The following ADAM12 variants were observed in gnomAD, a reference collection of about 807,000 sequenced individuals.
ADAM12 encodes the protein ADAM metallopeptidase domain 12.
A neutral mutation model predicts 106.4 loss-of-function variants in ADAM12; 70 were observed. The ratio of observed to expected loss-of-function variants is 0.66; its 90% CI spans 0.54 to 0.80. The LOEUF (loss-of-function observed/expected upper bound fraction) is 0.80. Among genes scored for constraint, ADAM12 ranks in the 30% least tolerant of loss-of-function variants. The pLI is 0.00. For synonymous variants in ADAM12, 420 were observed against 433.5 expected (o/e 0.97, Z 0.39); for missense variants, 1,010 against 1,171.9 (o/e 0.86, Z 2.02).
chr10:126,130,372 C>T (rs2133661527), intron 5 of ADAM12, among the ~76,000 whole-genome samples: 1 of 152,210 alleles, frequency 6.6e-6, no homozygotes, highest in South Asian at 2.1e-4. Context: ...GCACAAAGAT[C>T]TGGGAAGTCA....
chr10:126,339,305 G>A (rs1854834907), intron 1 of ADAM12, among the ~76,000 whole-genome samples: 1 of 152,104 alleles, frequency 6.6e-6, no homozygotes, highest in African/African-American at 2.4e-5. Flanking sequence ...CAAATTCAAC[G>A]TGTTTAAAAA....
chr10:126,142,689 C>CA (rs34379430), intron 4 of ADAM12, among the ~76,000 whole-genome samples: 15,988 of 152,272 alleles, frequency 0.1, 938 homozygotes, highest in Admixed American at 0.13. Context: ...ACCTAAAATC[C>CA]ATACATGGGC....
At chr10:126,331,522 T>G (rs1489051302) in intron 1 of ADAM12, among the ~76,000 whole-genome samples, 3 of 152,226 alleles carry the variant, frequency 2.0e-5, no homozygotes, top group African/African-American at 7.2e-5. Flanking sequence ...TGTGGAAGTC[T>G]GCAGTTATAT....
intron 6 of ADAM12, among the ~76,000 whole-genome samples, chr10:126,114,030 A>T (rs1327895649): frequency 6.6e-6 from 1 of 152,098 alleles, no homozygotes; most frequent in Non-Finnish European, 1.5e-5. Context: ...TAGCTCAAGC[A>T]AGCAACGCTC....
rs141683561 is a variant in ADAM12 at position 126,014,097 on chromosome 10, G to A, written c.*3182C>T. 5.2e-5 allele frequency: 8 copies of A among 152,564 alleles called. No individual in the cohort carries two copies. The East Asian group carries it at 1.5e-3, about 29-fold the overall frequency. 9.5% of individuals were successfully genotyped at this position (152,564 alleles called of 1,614,324 possible). A position where few individuals can be genotyped will look rare whatever the true frequency, so the allele number is the denominator to read the frequency against. On this transcript the variant is annotated 3_prime_UTR_variant, in exon 23 of 23. Coordinates refer to ENST00000448723, the MANE Select transcript of ADAM12 (RefSeq NM_001288973.2). ...CATCTCACGAAGAAAGTCTGCAAGA[G>A]GTCGAGGTGCATGAGAAAGATCTGG...
At chr10:126,090,056 C>T (rs1262557241) in intron 11 of ADAM12, among the ~76,000 whole-genome samples, 1 of 152,104 alleles carries the variant, frequency 6.6e-6, no homozygotes, top group Non-Finnish European at 1.5e-5. Context: ...TCCCAAAGTG[C>T]TGAGATTACA....
intron 21 of ADAM12, among the ~76,000 whole-genome samples, chr10:126,026,210 C>A (rs1419960929): frequency 6.6e-6 from 1 of 152,130 alleles, no homozygotes; most frequent in Non-Finnish European, 1.5e-5. Context: ...TCTGACAAAA[C>A]AGACTTTAAA....
At chr10:126,098,270 A>C in intron 10 of ADAM12, 146 bp downstream of exon 10, 1 of 679,194 alleles carries the variant, frequency 1.5e-6, no homozygotes, top group Non-Finnish European at 2.5e-6. Flanking sequence ...GGGATATATA[A>C]AATTATAAAT....
intron 3 of ADAM12, among the ~76,000 whole-genome samples, chr10:126,166,597 T>C (rs7903499): frequency 0.19 from 29,422 of 152,020 alleles, 2,880 homozygotes; most frequent in African/African-American, 0.23. Context: ...CCTCCCGGTT[T>C]AAGTGATTCT....
chr10:126,187,652 T>C (rs1375645412), intron 3 of ADAM12, among the ~76,000 whole-genome samples: 1 of 152,126 alleles, frequency 6.6e-6, no homozygotes, highest in Non-Finnish European at 1.5e-5. Flanking sequence ...TACTTCAAAG[T>C]GACTTCACAG....
chr10:126,322,206 G>C (rs1423280063), intron 2 of ADAM12, among the ~76,000 whole-genome samples: 4 of 152,120 alleles, frequency 2.6e-5, no homozygotes, highest in African/African-American at 9.7e-5. Context: ...ATTATCTAGG[G>C]CTGCTTCTAC....
chr10:126,071,722 C>T, intron 11 of ADAM12, 68 bp from the exon 12 acceptor site: 7 of 1,552,746 alleles, frequency 4.5e-6, no homozygotes, highest in Non-Finnish European at 6.2e-6. Flanking sequence ...CTTCTTGTGC[C>T]CACAAGAAGG....
intron 2 of ADAM12, among the ~76,000 whole-genome samples, chr10:126,288,906 G>C (rs533516298): frequency 6.6e-6 from 1 of 151,900 alleles, no homozygotes; most frequent in South Asian, 2.1e-4. Flanking sequence ...ATGACCACAG[G>C]GTGGCATGAT....
At chr10:126,250,297 G>T (rs1252114789) in intron 3 of ADAM12, among the ~76,000 whole-genome samples, 1 of 152,152 alleles carries the variant, frequency 6.6e-6, no homozygotes, top group Non-Finnish European at 1.5e-5. Context: ...TTATAGATAA[G>T]ATTTGAGAAC....
intron 3 of ADAM12, among the ~76,000 whole-genome samples, chr10:126,157,017 TTG>T (rs201697951): frequency 9.3e-5 from 14 of 151,290 alleles, no homozygotes; most frequent in African/African-American, 1.9e-4. Context: ...CCGTTTGGTT[TTG>T]TGTGTGTGTG....
chr10:126,217,171 A>C (rs902225354), intron 3 of ADAM12, among the ~76,000 whole-genome samples: 12 of 152,212 alleles, frequency 7.9e-5, no homozygotes, highest in Non-Finnish European at 1.0e-4. Context: ...ATCACTATAA[A>C]AGGCTAACCA....
intron 3 of ADAM12, among the ~76,000 whole-genome samples, chr10:126,205,838 T>A (rs761066712): frequency 5.4e-4 from 82 of 152,278 alleles, no homozygotes; most frequent in Non-Finnish European, 7.1e-4. Flanking sequence ...TTCTTTTTAT[T>A]GTTTTTCAGT....
intron 3 of ADAM12, among the ~76,000 whole-genome samples, chr10:126,197,507 G>A (rs1247362562): frequency 6.6e-6 from 1 of 152,210 alleles, no homozygotes; most frequent in African/African-American, 2.4e-5. Flanking sequence ...CCCTCCTGGG[G>A]TTGCAGAGGA....
chr10:126,101,005 G>C (rs866623852), intron 9 of ADAM12, 67 bp downstream of exon 9: 10 of 1,561,624 alleles, frequency 6.4e-6, no homozygotes, highest in Admixed American at 1.7e-5. Context: ...GGGCTGTGCA[G>C]GTGAAACGAA....
Sources: allele counts gnomAD v4.1 joint callset (sites outside exome capture counted in the v4.1 genomes callset), GRCh38; gene constraint gnomAD v4.1.1; transcripts MANE v1.5; gene names NCBI Gene and HGNC (gene_info 2026-07-23, HGNC 2026-07-21).